CFAP210: variants seen among roughly 807,000 people sequenced by gnomAD.
CFAP210 encodes the protein cilia- and flagella- associated protein 210.
At chr2:169,652,450 T>C in the CFAP210 span, among the ~76,000 whole-genome samples, 2 of 152,078 alleles carry the variant, frequency 1.3e-5, no homozygotes, top group Non-Finnish European at 2.9e-5. Flanking sequence ...AACAAAAACA[T>C]TAGAAGTTGG....
chr2:169,649,235 AT>A, the CFAP210 span: 1 of 1,613,648 alleles, frequency 6.2e-7, no homozygotes, highest in Non-Finnish European at 8.5e-7. Flanking sequence ...TCAGCTTTGC[AT>A]TTTTTCTCCT....
chr2:169,662,458 A>G, the CFAP210 span: 1 of 1,550,170 alleles, frequency 6.5e-7, no homozygotes, highest in Non-Finnish European at 8.7e-7. Flanking sequence ...ACATAATTAT[A>G]ATTGAGAACA....
the CFAP210 span, among the ~76,000 whole-genome samples, chr2:169,675,324 T>A: frequency 2.0e-5 from 3 of 152,200 alleles, no homozygotes; most frequent in Non-Finnish European, 4.4e-5. Context: ...TACCAGAGAC[T>A]GGGTAATTTA....
At chr2:169,646,181 GC>G in the CFAP210 span, 2 of 1,599,814 alleles carry the variant, frequency 1.3e-6, no homozygotes, top group Non-Finnish European at 1.7e-6. Flanking sequence ...CTTATTTTTG[GC>G]CTATTTGGGA....
the CFAP210 span, among the ~76,000 whole-genome samples, chr2:169,652,999 CAAAAAAAAAAAA>C: frequency 2.6e-4 from 2 of 7,732 alleles, no homozygotes; most frequent in African/African-American, 4.5e-4. Context: ...GACTCCGTCT[CAAAAAAAAAAAA>C]AAAAAAAAAA....
chr2:169,649,310 T>C, the CFAP210 span: 7 of 1,612,592 alleles, frequency 4.3e-6, no homozygotes, highest in Non-Finnish European at 5.9e-6. Context: ...TTAGCCTCTA[T>C]TTTTCTTTGT....
chr2:169,685,438 C>T, the CFAP210 span, among the ~76,000 whole-genome samples: 1 of 152,090 alleles, frequency 6.6e-6, no homozygotes, highest in African/African-American at 2.4e-5. Flanking sequence ...AATCATTTGT[C>T]CCTTTTTAAA....
the CFAP210 span, among the ~76,000 whole-genome samples, chr2:169,653,029 A>AAAAT: frequency 1.0e-4 from 4 of 39,966 alleles, no homozygotes; most frequent in African/African-American, 2.3e-4. Context: ...AAAAAAAAAA[A>AAAAT]ATATATATAT....
the CFAP210 span, among the ~76,000 whole-genome samples, chr2:169,685,236 G>A: frequency 2.6e-5 from 4 of 152,188 alleles, no homozygotes; most frequent in South Asian, 4.1e-4. Context: ...AACAACATAC[G>A]AAGGTTTCAA....
At chr2:169,665,078 G>T in the CFAP210 span, among the ~76,000 whole-genome samples, 1 of 152,190 alleles carries the variant, frequency 6.6e-6, no homozygotes, top group South Asian at 2.1e-4. Context: ...AGGGAAGTGG[G>T]ACTGAGGAAA....
chr2:169,679,770 G>A, the CFAP210 span, among the ~76,000 whole-genome samples: 1 of 149,630 alleles, frequency 6.7e-6, no homozygotes. Context: ...CCACCTATAA[G>A]TGAGAACATG....
the CFAP210 span, among the ~76,000 whole-genome samples, chr2:169,672,939 G>C: frequency 6.6e-6 from 1 of 152,060 alleles, no homozygotes; most frequent in Non-Finnish European, 1.5e-5. Flanking sequence ...CAATATAAAG[G>C]AGAAATTCTA....
chr2:169,646,233 C>G, the CFAP210 span: 1 of 1,322,246 alleles, frequency 7.6e-7, no homozygotes, highest in Non-Finnish European at 1.1e-6. Flanking sequence ...AGAACATGAA[C>G]TTTCTAAATA....
the CFAP210 span, among the ~76,000 whole-genome samples, chr2:169,650,685 C>T: frequency 2.0e-5 from 3 of 149,558 alleles, no homozygotes; most frequent in African/African-American, 7.4e-5. Flanking sequence ...TATTTTTTAA[C>T]TATAAAGTAA....
the CFAP210 span, among the ~76,000 whole-genome samples, chr2:169,654,759 T>C: frequency 2.0e-5 from 3 of 152,020 alleles, no homozygotes; most frequent in African/African-American, 7.2e-5. Flanking sequence ...TTTAAAATAA[T>C]TGTATAAGAA....
chr2:169,664,380 G>C, the CFAP210 span, among the ~76,000 whole-genome samples: 6 of 152,056 alleles, frequency 3.9e-5, no homozygotes, highest in African/African-American at 7.2e-5. Flanking sequence ...GCATCCATTG[G>C]ATAATGCATC....
chr2:169,661,481 G>A, the CFAP210 span: 150,811 of 262,728 alleles, frequency 0.57, 44,412 homozygotes, highest in African/African-American at 0.73. Flanking sequence ...AGTGCTAGGG[G>A]AAGCCCCAGG....
chr2:169,679,116 A>C, the CFAP210 span, among the ~76,000 whole-genome samples: 3 of 152,232 alleles, frequency 2.0e-5, no homozygotes, highest in Non-Finnish European at 4.4e-5. Flanking sequence ...TTATGCAAGA[A>C]CAATTGATCT....
the CFAP210 span, among the ~76,000 whole-genome samples, chr2:169,647,302 CAG>C: frequency 6.6e-6 from 1 of 151,702 alleles, no homozygotes; most frequent in Non-Finnish European, 1.5e-5. Flanking sequence ...ATTGAGGGAA[CAG>C]AAAGAACCAC....
Sources: allele counts gnomAD v4.1 joint callset (sites outside exome capture counted in the v4.1 genomes callset), GRCh38; gene constraint gnomAD v4.1.1; transcripts MANE v1.5; gene names NCBI Gene and HGNC (gene_info 2026-07-23, HGNC 2026-07-21).